Variants in ZSWIM9 observed in about 807,000 individuals in gnomAD.
ZSWIM9 encodes the protein uncharacterized protein ZSWIM9.
ZSWIM9 carries 11 observed loss-of-function variants against 25.0 expected under a neutral mutation model. That is an observed-to-expected ratio of 0.44 (90% confidence interval 0.28 to 0.73). ZSWIM9 has a LOEUF of 0.73. Ranked by LOEUF, ZSWIM9 falls within the 30% of genes least tolerant of loss-of-function variation. The pLI is 0.16. For missense variants in ZSWIM9, 1,070 were observed against 1,296.5 expected, an observed-to-expected ratio of 0.83 and a Z score of 2.68; for synonymous variants, 562 against 582.1, an observed-to-expected ratio of 0.97 and a Z score of 0.50.
intron 1 of ZSWIM9, among the ~76,000 whole-genome samples, chr19:48,171,552 T>C (rs1391112747): frequency 1.3e-5 from 2 of 151,092 alleles, no homozygotes; most frequent in African/African-American, 2.4e-5. Context: ...AGGAGACGAG[T>C]TGGAATTAGG....
At chr19:48,176,331 C>G (rs982868122) in intron 2 of ZSWIM9, among the ~76,000 whole-genome samples, 3 of 152,174 alleles carry the variant, frequency 2.0e-5, no homozygotes, top group African/African-American at 7.2e-5. Flanking sequence ...CCATTTCTAA[C>G]CACTTTACAT....
chr19:48,182,527 G>A lies in ZSWIM9; in HGVS notation c.348G>A (p.Thr116=), dbSNP rs551900648. 108 of 1,535,884 alleles carry A rather than the reference G, an allele frequency of 7.0e-5. No individual in the cohort carries two copies. The highest frequency in any genetic ancestry group is 3.3e-4 in the Middle Eastern group (2 of 5,990). ...LSPLRDRLVV[T]ECQLTHSHPA... ...CGCTGCGGGACCGCCTCGTGGTGAC[G>A]GAGTGCCAGCTGACCCACTCACACC... Residue 116 remains threonine (T), a synonymous_variant, in exon 3 of 4, where the codon ACG becomes ACA. Coordinates refer to ENST00000614654, the MANE Select transcript of ZSWIM9 (RefSeq NM_199341.4). This position sits in a 1 kb window ranked among gnomAD's most constrained non-coding sequence, Gnocchi z 4.6.
intron 3 of ZSWIM9, among the ~76,000 whole-genome samples, chr19:48,187,436 A>ATATAT (rs1394317638): frequency 7.2e-5 from 7 of 96,902 alleles, no homozygotes; most frequent in African/African-American, 2.7e-4. Flanking sequence ...ATATTATATT[A>ATATAT]TATATATTAT....
intron 1 of ZSWIM9, chr19:48,171,228 G>A (rs2036799713): frequency 1.0e-6 from 1 of 985,294 alleles, no homozygotes; most frequent in South Asian, 4.7e-5. Flanking sequence ...GGCACATCTG[G>A]GGAGTGCGGA....
rs1297852012 is a variant in ZSWIM9, at chr19:48,195,412, G to C, written c.1348G>C (p.Gly450Arg). Residue 450 changes from glycine (G) to arginine (R), a missense_variant, in exon 4 of 4, where the codon GGG becomes CGG. Coordinates refer to ENST00000614654, the MANE Select transcript of ZSWIM9 (RefSeq NM_199341.4). The surrounding 1 kb of genome is among the most constrained non-coding windows in gnomAD (Gnocchi z 5.8). The stretch of plus-strand genomic sequence containing the variant: ...GGCGGTGCCCGAGGGGCCCGATGGC[G>C]GGGGGCCTTGGCTGGAGGATGAGCC... The part of the protein sequence containing the change: ...GEAVPEGPDG[G>R]GPWLEDEPGR... 9 of 1,459,816 alleles carry C rather than the reference G, an allele frequency of 6.2e-6. No individual in the cohort carries two copies. The highest frequency in any genetic ancestry group is 8.1e-6 in the Non-Finnish European group (9 of 1,115,418). 90.4% of individuals were successfully genotyped at this position (1,459,816 alleles called of 1,614,324 possible).
chr19:48,174,557 C>T (rs1399635715), intron 2 of ZSWIM9: 1 of 152,212 alleles, frequency 6.6e-6, no homozygotes, highest in Non-Finnish European at 1.5e-5. Flanking sequence ...ATAATAGTGT[C>T]TATCTCATAG....
At position 48,197,499 on chromosome 19, in the gene ZSWIM9, C is replaced by A. The variant is rs2037183313; in HGVS notation, c.*672C>A. Reference sequence around the variant, plus strand: ...TTCTCCAAGACCTGGAGACATCGACCCCCATCGCCTTCTGAAGAGAGAGGG... The same window carrying A: ...TTCTCCAAGACCTGGAGACATCGACACCCATCGCCTTCTGAAGAGAGAGGG... On this transcript the variant is annotated 3_prime_UTR_variant, in exon 4 of 4. Transcript: ENST00000614654. 2 of 562,096 alleles carry A rather than the reference C, an allele frequency of 3.6e-6. No homozygotes were observed. The highest frequency in any genetic ancestry group is 2.3e-5 in the South Asian group (1 of 44,218). The allele number at this position is 562,096 out of a possible 1,614,324, so 34.8% of individuals were successfully genotyped here. A position where few individuals can be genotyped will look rare whatever the true frequency, so the allele number is the denominator to read the frequency against.
chr19:48,191,274 G>A (rs149920871), intron 3 of ZSWIM9, among the ~76,000 whole-genome samples: 6,267 of 151,986 alleles, frequency 0.041, 413 homozygotes, highest in African/African-American at 0.14. Flanking sequence ...GCACAATCTC[G>A]GCTCACTGCA....
Position 48,197,507 on chromosome 19 carries a change from C to T in ZSWIM9, c.*680C>T, listed in dbSNP as rs2037183563. 1.8e-6 allele frequency: 1 copy of T among 546,910 alleles called. No homozygotes were observed. The highest frequency in any genetic ancestry group is 1.9e-5 in the African/African-American group (1 of 52,582). The allele number at this position is 546,910 out of a possible 1,614,324, so 33.9% of individuals were successfully genotyped here. A position where few individuals can be genotyped will look rare whatever the true frequency, so the allele number is the denominator to read the frequency against. Reference sequence around the variant, plus strand: ...GACCTGGAGACATCGACCCCCATCGCCTTCTGAAGAGAGAGGGAGGGCGGG... The same window carrying T: ...GACCTGGAGACATCGACCCCCATCGTCTTCTGAAGAGAGAGGGAGGGCGGG... On this transcript the variant is annotated 3_prime_UTR_variant, in exon 4 of 4. Transcript: ENST00000614654.
In ZSWIM9 at chr19:48,197,591, C is replaced by T. The variant is rs1431662002; in HGVS notation, c.*764C>T. On this transcript the variant is annotated 3_prime_UTR_variant, in exon 4 of 4. Transcript: ENST00000614654. The stretch of plus-strand genomic sequence containing the variant: ...GGGAATTGTTTGGACTATTGTTCTT[C>T]AGGATTGGAATAAAACAATCTTATT... 12 of 354,256 alleles carry T rather than the reference C, an allele frequency of 3.4e-5. No individual in the cohort carries two copies. The highest frequency in any genetic ancestry group is 6.3e-5 in the Non-Finnish European group (12 of 191,938). 21.9% of individuals were successfully genotyped at this position (354,256 alleles called of 1,614,324 possible).
chr19:48,187,949 TAGATAGATAGATAGATAG>T (rs2037050394), intron 3 of ZSWIM9, among the ~76,000 whole-genome samples: 1 of 138,950 alleles, frequency 7.2e-6, no homozygotes. Context: ...AATAGATAGA[TAGATAGATAGATAGATAG>T]ATAGATAGAT....
Position 48,194,992 on chromosome 19 carries a change from C to T in ZSWIM9, c.928C>T (p.Pro310Ser). Residue 310 changes from proline (P) to serine (S), a missense_variant, in exon 4 of 4, where the codon CCC (proline) becomes TCC (serine). This residue lies in a region of ZSWIM9 where 184 missense variants were observed against 243.1 expected (regional missense o/e 0.76). Transcript: ENST00000614654. This position sits in a 1 kb window ranked among gnomAD's most constrained non-coding sequence, Gnocchi z 6.0. ...GTTGCCTGCAGTGCGCCAGCTGCTG[C>T]CCTGCGCGCGCGTGCAGATCTGCCG... ...AQLPAVRQLL[P>S]CARVQICRAQ... The T allele has an allele frequency of 1.5e-6, 2 of 1,340,500 alleles. No homozygotes were observed. The highest frequency in any genetic ancestry group is 1.9e-6 in the Non-Finnish European group (2 of 1,051,232). 83.0% of individuals were successfully genotyped at this position (1,340,500 alleles called of 1,614,324 possible). A position where few individuals can be genotyped will look rare whatever the true frequency, so the allele number is the denominator to read the frequency against.
intron 3 of ZSWIM9, among the ~76,000 whole-genome samples, chr19:48,193,512 G>T (rs146915220): frequency 6.6e-6 from 1 of 152,232 alleles, no homozygotes; most frequent in Non-Finnish European, 1.5e-5. Flanking sequence ...AGACCATCCC[G>T]AAGGGGAACA....
rs77670185 is a variant in ZSWIM9 at position 48,192,569 on chromosome 19, G to A, written c.589-2084G>A. Among the ~76,000 whole-genome samples the A allele has an allele frequency of 2.5e-3, 341 of 135,864 alleles. 1 individual carries two copies. Among genetic ancestry groups the A allele is most frequent in the African/African-American group, 9.2e-3 (328 of 35,692 alleles). The allele number at this position is 135,864 out of a possible 152,430, so 89.1% of individuals were successfully genotyped here. A position where few individuals can be genotyped will look rare whatever the true frequency, so the allele number is the denominator to read the frequency against. ...ATGTCACCCTGCCCCTTAAAATGCC[G>A]CCCATGCATGTTCTCCCACCTACTG... On this transcript the variant is annotated intron_variant, in intron 3 of 3. Coordinates refer to ENST00000614654, the MANE Select transcript of ZSWIM9 (RefSeq NM_199341.4).
At position 48,195,061 on chromosome 19, in the gene ZSWIM9, G is replaced by A; in HGVS notation, c.997G>A (p.Gly333Ser). Residue 333 changes from glycine (G) to serine (S), a missense_variant, in exon 4 of 4, where the codon GGC (glycine) becomes AGC (serine). Around this residue, in one of 4 missense-constraint regions of ZSWIM9, gnomAD observed 184 missense variants for 243.1 expected, o/e 0.76. Coordinates refer to ENST00000614654, the MANE Select transcript of ZSWIM9 (RefSeq NM_199341.4). This position sits in a 1 kb window ranked among gnomAD's most constrained non-coding sequence, Gnocchi z 5.8. ...ETLFSKAQEL[G>S]GAGREDPGLW... ...GCTCTTCAGCAAGGCGCAGGAGCTG[G>A]GCGGCGCCGGCCGCGAGGACCCGGG... 2.9e-6 allele frequency: 4 copies of A among 1,373,342 alleles called. No individual in the cohort carries two copies. The African/African-American group carries it at 6.3e-5, about 22-fold the overall frequency. 85.1% of individuals were successfully genotyped at this position (1,373,342 alleles called of 1,614,324 possible).
At position 48,171,686 on chromosome 19, in the gene ZSWIM9, C is replaced by T. The variant is rs1046192071; in HGVS notation, c.-9-108C>T. 12 of 1,124,860 alleles carry T rather than the reference C, an allele frequency of 1.1e-5. No individual in the cohort carries two copies. In the Admixed American group the frequency reaches 2.3e-4, roughly 21 times the overall value. 69.7% of individuals were successfully genotyped at this position (1,124,860 alleles called of 1,614,324 possible). A position where few individuals can be genotyped will look rare whatever the true frequency, so the allele number is the denominator to read the frequency against. On this transcript the variant is annotated intron_variant, in intron 1 of 3. Transcript: ENST00000614654. ...GCACGTCCGACCCCGGGCTACCCACCTCGATAGAGGCACCAGCAACCGACG... is the reference window on the plus strand; with the variant it reads ...GCACGTCCGACCCCGGGCTACCCACTTCGATAGAGGCACCAGCAACCGACG...
intron 2 of ZSWIM9, chr19:48,181,789 T>A (rs1402720404): frequency 4.6e-5 from 7 of 152,248 alleles, no homozygotes; most frequent in Admixed American, 6.5e-5. Context: ...TGTAGTGGCA[T>A]TTCCTTAGGG....
chr19:48,171,183 A>G (rs1393961684), intron 1 of ZSWIM9: 4 of 979,312 alleles, frequency 4.1e-6, no homozygotes, highest in African/African-American at 1.8e-5. Flanking sequence ...CCATAGGGTC[A>G]TAATCGGGGG....
At chr19:48,187,565 A>ATTATATT (rs1568579812) in intron 3 of ZSWIM9, 554 of 23,646 alleles carry the variant, frequency 0.023, 13 homozygotes, top group African/African-American at 0.059. Context: ...TATTATATAT[A>ATTATATT]ATATTATATA....
Sources: gnomAD v4.1 joint callset for allele counts (sites outside exome capture counted in the v4.1 genomes callset) on GRCh38, gnomAD v4.1.1 for gene constraint, gnomAD v4.1.1 regional missense constraint, Gnocchi (gnomAD v3.1) non-coding constraint, MANE v1.5 for transcripts, NCBI Gene and HGNC (gene_info 2026-07-23, HGNC 2026-07-21) for gene names.